ZNF385D: variants seen among roughly 807,000 people sequenced by gnomAD.
The protein encoded by ZNF385D is zinc finger protein 659.
A neutral mutation model predicts 35.8 loss-of-function variants in ZNF385D; 15 were observed. The observed-to-expected ratio is 0.42, with a 90% CI of 0.28 to 0.64. ZNF385D has a LOEUF of 0.64. Among genes scored for constraint, ZNF385D ranks in the 30% least tolerant of loss-of-function variants. The pLI, the probability that ZNF385D is intolerant of heterozygous loss-of-function variation, is 0.23. For missense variants in ZNF385D, 474 were observed against 494.6 expected (o/e 0.96, Z 0.39); for synonymous variants, 212 against 186.8 (o/e 1.13, Z -1.10).
At chr3:22,079,547 A>G (rs1700636986) in intron 3 of ZNF385D, among the ~76,000 whole-genome samples, 1 of 152,016 alleles carries the variant, frequency 6.6e-6, no homozygotes, top group South Asian at 2.1e-4. Context: ...GGACAAAACA[A>G]AAAAGTTCCC....
In ZNF385D at chr3:21,664,977, G is replaced by A; in HGVS notation, c.74C>T (p.Pro25Leu). 6.2e-7 allele frequency: 1 copy of A among 1,613,530 alleles called. No individual in the cohort carries two copies. The highest frequency in any genetic ancestry group is 1.1e-5 in the South Asian group (1 of 91,062). ...ALPALVRPPA[P>L]PLQPSLDIKP... ...AATATCCAGCGATGGTTGCAAAGGAGGGGCTGGTGGACGGACAAGGGCCGG... is the reference window on the plus strand; with the variant it reads ...AATATCCAGCGATGGTTGCAAAGGAAGGGCTGGTGGACGGACAAGGGCCGG... The change falls in exon 2 of 8, where the codon CCT becomes CTT. Residue 25 changes from proline (P) to leucine (L), a missense_variant. By Grantham distance (98) the Pro-to-Leu change is moderately conservative. Transcript: ENST00000281523.
chr3:21,920,988 G>T (rs890735905), intron 3 of ZNF385D, among the ~76,000 whole-genome samples: 1 of 151,996 alleles, frequency 6.6e-6, no homozygotes, highest in Non-Finnish European at 1.5e-5. Flanking sequence ...GGCTGAGGCG[G>T]GCGGATCATG....
intron 3 of ZNF385D, among the ~76,000 whole-genome samples, chr3:21,881,520 C>T (rs1465040031): frequency 6.6e-6 from 1 of 151,894 alleles, no homozygotes; most frequent in Non-Finnish European, 1.5e-5. Context: ...ATATTACTGT[C>T]CATTGACAAC....
At chr3:22,028,357 T>C (rs1256657995) in intron 3 of ZNF385D, among the ~76,000 whole-genome samples, 3 of 152,196 alleles carry the variant, frequency 2.0e-5, no homozygotes, top group East Asian at 3.9e-4. Flanking sequence ...AAAGTGGCCA[T>C]GGTGGCAGGG....
intron 3 of ZNF385D, among the ~76,000 whole-genome samples, chr3:21,857,767 G>A (rs1031376545): frequency 1.4e-4 from 21 of 151,770 alleles, no homozygotes; most frequent in African/African-American, 4.8e-4. Flanking sequence ...GGGAAGCAGA[G>A]GTCAATGGAA....
chr3:21,870,414 TTCTACCCAGTGTG>T (rs1697624403), intron 3 of ZNF385D, among the ~76,000 whole-genome samples: 2 of 152,192 alleles, frequency 1.3e-5, no homozygotes, highest in Non-Finnish European at 2.9e-5. Flanking sequence ...ATGGATGCTC[TTCTACCCAGTGTG>T]GCTCATTTGA....
chr3:21,544,487 G>A (rs953485666), intron 3 of ZNF385D, among the ~76,000 whole-genome samples: 1 of 152,072 alleles, frequency 6.6e-6, no homozygotes, highest in Non-Finnish European at 1.5e-5. Context: ...GTAAACTTTC[G>A]CCTAGGGTTA....
chr3:21,894,485 T>C (rs1295906093), intron 3 of ZNF385D, among the ~76,000 whole-genome samples: 1 of 152,086 alleles, frequency 6.6e-6, no homozygotes, highest in African/African-American at 2.4e-5. Flanking sequence ...TGCAATATGA[T>C]TTATCTTTGT....
chr3:21,523,687 G>A (rs1256021312), intron 3 of ZNF385D, among the ~76,000 whole-genome samples: 3 of 152,108 alleles, frequency 2.0e-5, no homozygotes, highest in Non-Finnish European at 1.5e-5. Context: ...CAGGTGATGG[G>A]GAAAGAAGTC....
chr3:21,903,632 A>T (rs1033151366), intron 3 of ZNF385D, among the ~76,000 whole-genome samples: 1 of 152,236 alleles, frequency 6.6e-6, no homozygotes, highest in Non-Finnish European at 1.5e-5. Flanking sequence ...CTGTACATTT[A>T]AAAAGGGTGC....
At chr3:21,866,409 G>T (rs57294157) in intron 3 of ZNF385D, among the ~76,000 whole-genome samples, 2 of 152,080 alleles carry the variant, frequency 1.3e-5, no homozygotes, top group Admixed American at 1.3e-4. Flanking sequence ...AGCCAAGATC[G>T]CACGATTGCA....
intron 2 of ZNF385D, among the ~76,000 whole-genome samples, chr3:22,255,818 C>A (rs1418280155): frequency 6.7e-6 from 1 of 150,050 alleles, no homozygotes; most frequent in Admixed American, 6.7e-5. Flanking sequence ...GGGACTCATG[C>A]TTTCCTTACT....
At chr3:21,905,120 T>C (rs190609789) in intron 3 of ZNF385D, among the ~76,000 whole-genome samples, 3 of 142,960 alleles carry the variant, frequency 2.1e-5, no homozygotes, top group Admixed American at 1.5e-4. Flanking sequence ...TATGACATTA[T>C]AGAATCTTGG....
At chr3:22,198,804 T>C (rs1696591953) in intron 2 of ZNF385D, among the ~76,000 whole-genome samples, 1 of 152,120 alleles carries the variant, frequency 6.6e-6, no homozygotes, top group Non-Finnish European at 1.5e-5. Flanking sequence ...TCTTGTCCCA[T>C]CATTAACTTT....
At chr3:21,865,278 C>G (rs555178079) in intron 3 of ZNF385D, among the ~76,000 whole-genome samples, 1 of 151,860 alleles carries the variant, frequency 6.6e-6, no homozygotes, top group East Asian at 1.9e-4. Flanking sequence ...AATCAATACA[C>G]AGTGGAATCT....
At chr3:22,188,281 G>C (rs149303137) in intron 2 of ZNF385D, among the ~76,000 whole-genome samples, 1 of 152,080 alleles carries the variant, frequency 6.6e-6, no homozygotes, top group Non-Finnish European at 1.5e-5. Flanking sequence ...AGAGAGACTC[G>C]GAGTGGAGAG....
intron 1 of ZNF385D, among the ~76,000 whole-genome samples, chr3:21,724,477 CAAAAAAAAAAAAAAAAAAAAAAAAAAAAA>C (rs200803155): frequency 5.6e-4 from 29 of 52,010 alleles, no homozygotes; most frequent in South Asian, 2.7e-3. Flanking sequence ...AATGGAAAGC[CAAAAAAAAAAAAAAAAAAAAAAAAAAAAA>C]AAAAAAAAAA....
At chr3:22,080,680 T>G (rs1700703321) in intron 3 of ZNF385D, among the ~76,000 whole-genome samples, 1 of 152,148 alleles carries the variant, frequency 6.6e-6, no homozygotes, top group Non-Finnish European at 1.5e-5. Context: ...CTGAATGTTT[T>G]TTGTCCCCCT....
At chr3:21,442,191 A>T (rs558831121) in intron 4 of ZNF385D, among the ~76,000 whole-genome samples, 1 of 152,314 alleles carries the variant, frequency 6.6e-6, no homozygotes, top group African/African-American at 2.4e-5. Context: ...AACATGGAGC[A>T]GCCAAGTTAC....
Sources: allele counts gnomAD v4.1 joint callset (sites outside exome capture counted in the v4.1 genomes callset), GRCh38; gene constraint gnomAD v4.1.1; transcripts MANE v1.5; gene names NCBI Gene and HGNC (gene_info 2026-07-23, HGNC 2026-07-21).